XXYLT1: variants seen among roughly 807,000 people sequenced by gnomAD.
XXYLT1 encodes the protein xyloside xylosyltransferase 1, also known as UDP-xylose:alpha-xyloside alpha-1,3-xylosyltransferase.
XXYLT1 carries 20 observed loss-of-function variants against 28.9 expected under a neutral mutation model. That is an observed-to-expected ratio of 0.69 (90% CI 0.49 to 1.00). The LOEUF is 1.00. XXYLT1 is among the 50% of genes least tolerant of loss of function. The probability of loss-of-function intolerance (pLI) is 0.00; values close to 1 mark genes in which losing one functional copy is unlikely to be tolerated. For synonymous variants in XXYLT1, 257 were observed against 253.8 expected (o/e 1.01, Z -0.12); for missense variants, 542 against 560.1 (o/e 0.97, Z 0.33).
chr3:195,243,718 T>C (rs1168971592), intron 1 of XXYLT1, among the ~76,000 whole-genome samples: 2 of 152,212 alleles, frequency 1.3e-5, no homozygotes, highest in African/African-American at 4.8e-5. Flanking sequence ...GGGTAAGTGG[T>C]AAATGCTCTG....
At chr3:195,163,214 C>G (rs1720960304) in intron 2 of XXYLT1, among the ~76,000 whole-genome samples, 1 of 152,170 alleles carries the variant, frequency 6.6e-6, no homozygotes, top group South Asian at 2.1e-4. Context: ...ACTGGTTGCC[C>G]AAACTGTCAC....
At chr3:195,090,170 A>G (rs1385288181) in intron 3 of XXYLT1, among the ~76,000 whole-genome samples, 1 of 151,694 alleles carries the variant, frequency 6.6e-6, no homozygotes, top group Non-Finnish European at 1.5e-5. Flanking sequence ...CTCTGCACCA[A>G]GCGGACCTAA....
rs1386958468 is a variant in XXYLT1 at position 195,089,622 on chromosome 3, C to T, written c.786-19511G>A. Among the ~76,000 whole-genome samples the T allele has an allele frequency of 1.4e-4, 22 of 151,996 alleles. No individual in the cohort carries two copies. In the East Asian group the frequency reaches 3.5e-3, roughly 24 times the overall value. ...ACTAGGAAGAAACTGCATCAACTAA[C>T]GAGCACAATAACCAGCTAGCATCAT... On this transcript the variant is annotated intron_variant, in intron 3 of 3. Coordinates refer to ENST00000310380, the MANE Select transcript of XXYLT1 (RefSeq NM_152531.5).
At position 195,256,411 on chromosome 3, in the gene XXYLT1, G is replaced by T; in HGVS notation, c.504+14144C>A. 1 of 863,770 alleles carries T rather than the reference G, an allele frequency of 1.2e-6. No homozygotes were observed. The highest frequency in any genetic ancestry group is 1.4e-6 in the Non-Finnish European group (1 of 719,110). 53.5% of individuals were successfully genotyped at this position (863,770 alleles called of 1,614,324 possible). ...CAAGTCCCTCGCCCTCATGCTCCGCGCAGGCCTGAGGTGCGGCCCTGCACA... is the reference window on the plus strand; with the variant it reads ...CAAGTCCCTCGCCCTCATGCTCCGCTCAGGCCTGAGGTGCGGCCCTGCACA... On this transcript the variant is annotated intron_variant, in intron 1 of 3. Transcript: ENST00000310380. This position sits in a 1 kb window ranked among gnomAD's most constrained non-coding sequence, Gnocchi z 4.2.
rs373189077 is a variant in XXYLT1, at chr3:195,113,602, C to G, written c.785+42847G>C. Among the ~76,000 whole-genome samples the G allele has an allele frequency of 3.3e-5, 5 of 152,136 alleles. No homozygotes were observed. The East Asian group carries it at 9.6e-4, about 29-fold the overall frequency. ...TCTTTTTTGTTAGAATCCTTTTTCT[C>G]TTTAATCAGTTTTGGATTTCCCCTC... On this transcript the variant is annotated intron_variant, in intron 3 of 3. Transcript: ENST00000310380.
intron 3 of XXYLT1, among the ~76,000 whole-genome samples, chr3:195,093,368 C>A (rs7632101): frequency 0.95 from 102,901 of 107,986 alleles, 49,256 homozygotes; most frequent in East Asian, 1. Flanking sequence ...TGATGAGTTA[C>A]TGTCCTTTGT....
At chr3:195,193,820 T>A (rs1200144011) in intron 2 of XXYLT1, among the ~76,000 whole-genome samples, 3 of 152,172 alleles carry the variant, frequency 2.0e-5, no homozygotes, top group Admixed American at 2.0e-4. Context: ...TAAAGGACAG[T>A]CAATTAGATA....
At chr3:195,219,681 A>G (rs545292896) in intron 2 of XXYLT1, among the ~76,000 whole-genome samples, 113 of 152,364 alleles carry the variant, frequency 7.4e-4, no homozygotes, top group South Asian at 3.7e-3. Context: ...TTTGCCACCC[A>G]GCAGCACTGA....
intron 3 of XXYLT1, among the ~76,000 whole-genome samples, chr3:195,098,415 T>C (rs1284135546): frequency 1.3e-5 from 2 of 151,952 alleles, no homozygotes; most frequent in Non-Finnish European, 2.9e-5. Flanking sequence ...TAGCCGGGCG[T>C]GGTGGTGCGC....
At chr3:195,075,161 A>G (rs147138540) in intron 3 of XXYLT1, among the ~76,000 whole-genome samples, 16,392 of 152,270 alleles carry the variant, frequency 0.11, 1,051 homozygotes, top group East Asian at 0.3. Context: ...CTGAGGCAGG[A>G]GAATCGTTTG....
chr3:195,218,743 G>A (rs1723687991), intron 2 of XXYLT1, among the ~76,000 whole-genome samples: 1 of 150,408 alleles, frequency 6.6e-6, no homozygotes, highest in African/African-American at 2.4e-5. Context: ...CAACCATTGT[G>A]GAAGTCAGTG....
At chr3:195,207,089 C>T (rs1012185051) in intron 2 of XXYLT1, among the ~76,000 whole-genome samples, 9 of 152,216 alleles carry the variant, frequency 5.9e-5, no homozygotes, top group Admixed American at 5.9e-4. Flanking sequence ...CCTTCTACCA[C>T]AGGCTGAGCC....
chr3:195,258,282 A>G (rs1011344389), intron 1 of XXYLT1, among the ~76,000 whole-genome samples: 1 of 152,156 alleles, frequency 6.6e-6, no homozygotes, highest in Non-Finnish European at 1.5e-5. Flanking sequence ...AGGCTCTGGG[A>G]GTATGTGGGG....
chr3:195,175,877 T>C, intron 2 of XXYLT1: 10 of 1,412,574 alleles, frequency 7.1e-6, no homozygotes, highest in Non-Finnish European at 9.2e-6. Flanking sequence ...GCATCCAGTG[T>C]GACATTTGTG....
intron 1 of XXYLT1, among the ~76,000 whole-genome samples, chr3:195,233,508 A>C (rs1724390887): frequency 6.6e-6 from 1 of 152,152 alleles, no homozygotes; most frequent in Non-Finnish European, 1.5e-5. Context: ...TTTCATATCC[A>C]TTGTATGTTT....
At position 195,248,010 on chromosome 3, in the gene XXYLT1, G is replaced by A; in HGVS notation, c.505-21154C>T. 3 of 535,384 alleles carry A rather than the reference G, an allele frequency of 5.6e-6. No homozygotes were observed. The South Asian group carries it at 7.0e-5, about 12-fold the overall frequency. 33.2% of individuals were successfully genotyped at this position (535,384 alleles called of 1,614,324 possible). A position where few individuals can be genotyped will look rare whatever the true frequency, so the allele number is the denominator to read the frequency against. The stretch of plus-strand genomic sequence containing the variant: ...ACACGTGGGGATTACAATTTGAGGT[G>A]AGATTTGGGTGGAGACACAGCCAAA... On this transcript the variant is annotated intron_variant, in intron 1 of 3. Transcript: ENST00000310380.
intron 2 of XXYLT1, among the ~76,000 whole-genome samples, chr3:195,169,867 A>ATTT (rs1392441054): frequency 2.4e-5 from 3 of 124,448 alleles, no homozygotes; most frequent in African/African-American, 1.2e-4. Flanking sequence ...ATATATATAT[A>ATTT]TATTTTTTTT....
At chr3:195,189,316 T>A (rs1454695949) in intron 2 of XXYLT1, among the ~76,000 whole-genome samples, 2 of 152,190 alleles carry the variant, frequency 1.3e-5, no homozygotes, top group Non-Finnish European at 2.9e-5. Flanking sequence ...ACAGACATCA[T>A]AACTTGTCCC....
chr3:195,130,307 C>T (rs867148855), intron 3 of XXYLT1, among the ~76,000 whole-genome samples: 10 of 152,172 alleles, frequency 6.6e-5, no homozygotes, highest in African/African-American at 1.7e-4. Flanking sequence ...AATGATCACA[C>T]TCAGTAGACA....
Sources: allele counts gnomAD v4.1 joint callset (sites outside exome capture counted in the v4.1 genomes callset), GRCh38; gene constraint gnomAD v4.1.1; non-coding constraint Gnocchi (gnomAD v3.1); transcripts MANE v1.5; gene names NCBI Gene and HGNC (gene_info 2026-07-23, HGNC 2026-07-21).